ARSF: variants seen among roughly 807,000 people sequenced by gnomAD.
The protein encoded by ARSF is arylsulfatase F.
In ARSF, 33 loss-of-function variants were observed where a neutral mutation model predicts 35.4. The observed-to-expected ratio is 0.93, with a 90% CI of 0.71 to 1.25. The LOEUF (loss-of-function observed/expected upper bound fraction) is 1.25, where lower values mean the gene tolerates loss of function less well. Among genes scored for constraint, ARSF ranks in the 50% most tolerant of loss-of-function variants. ARSF has a pLI of 0.00. For missense variants in ARSF, 501 were observed against 480.2 expected, an observed-to-expected ratio of 1.04 and a Z score of -0.40; for synonymous variants, 222 against 193.1, an observed-to-expected ratio of 1.15 and a Z score of -1.24.
In ARSF at chrX:3,049,397, A is replaced by T. The variant is rs139290461; in HGVS notation, c.-29+7734A>T. Among the ~76,000 whole-genome samples the T allele has an allele frequency of 5.6e-3, 626 of 111,574 alleles. 4 individuals carry two copies. Among genetic ancestry groups the T allele is most frequent in the African/African-American group, 0.019 (586 of 30,664 alleles). The stretch of plus-strand genomic sequence containing the variant: ...CTGATGCCTGTTCAGTGAATCTGCA[A>T]GTTTGCGTAAACAATAGGGCAGGGG... On this transcript the variant is annotated intron_variant, in intron 1 of 10. Transcript: ENST00000381127.
intron 1 of ARSF, among the ~76,000 whole-genome samples, chrX:3,065,537 C>T (rs897308615): frequency 9.3e-6 from 1 of 107,004 alleles, no homozygotes; most frequent in Non-Finnish European, 1.9e-5. Flanking sequence ...CTCAGGAGGC[C>T]GAGACAGGAA....
Position 3,112,376 on chromosome X carries a change from T to TA in ARSF, c.1598dup (p.Val534GlyfsTer42), listed in dbSNP as rs1223832357. 2 of 1,211,222 alleles carry TA rather than the reference T, an allele frequency of 1.7e-6. No homozygotes were observed. Among genetic ancestry groups the TA allele is most frequent in the Admixed American group, 4.4e-5 (2 of 45,959 alleles). On this transcript the variant is annotated frameshift_variant, in exon 11 of 11. Transcript: ENST00000381127. LOFTEE classifies it low-confidence loss of function (END_TRUNC). ...CAGAGCCCCTCCATGATTTTGTGAT[T>TA]AAAAAGGTGGCCAACGCCCTGAAGG...
chrX:3,056,498 A>G (rs983373071), intron 1 of ARSF, among the ~76,000 whole-genome samples: 1 of 108,834 alleles, frequency 9.2e-6, no homozygotes, highest in Non-Finnish European at 1.9e-5. Flanking sequence ...CTGGTCTCGA[A>G]CTCCTGGGCT....
At chrX:3,060,782 T>C (rs184552819) in intron 1 of ARSF, among the ~76,000 whole-genome samples, 26 of 111,001 alleles carry the variant, frequency 2.3e-4, no homozygotes, top group African/African-American at 8.2e-4. Context: ...TAAAAAGAAA[T>C]GAACAAAGCC....
intron 6 of ARSF, among the ~76,000 whole-genome samples, chrX:3,085,304 A>G (rs2090239525): frequency 1.9e-5 from 2 of 107,074 alleles, no homozygotes. Flanking sequence ...CTATATATGT[A>G]TATATATAAT....
intron 7 of ARSF, among the ~76,000 whole-genome samples, chrX:3,100,611 T>C (rs1033459069): frequency 4.5e-5 from 5 of 112,152 alleles, no homozygotes; most frequent in African/African-American, 1.6e-4. Flanking sequence ...TGTTTTTTGT[T>C]TTTTTGAGAT....
intron 7 of ARSF, among the ~76,000 whole-genome samples, chrX:3,091,365 C>G (rs1168512237): frequency 8.9e-6 from 1 of 112,457 alleles, no homozygotes; most frequent in Non-Finnish European, 1.9e-5. Context: ...ATGAACTCAT[C>G]CTGTAGAGAG....
intron 4 of ARSF, among the ~76,000 whole-genome samples, chrX:3,077,247 G>C (rs759972894): frequency 1.5e-4 from 17 of 112,025 alleles, no homozygotes; most frequent in Non-Finnish European, 3.0e-4. Context: ...AGTTTCCCAG[G>C]TCAACAAAGA....
intron 2 of ARSF, among the ~76,000 whole-genome samples, chrX:3,068,595 T>G (rs1356264984): frequency 3.6e-5 from 4 of 110,435 alleles, no homozygotes; most frequent in African/African-American, 1.3e-4. Flanking sequence ...AATTTTTTAT[T>G]TTTATTTTTT....
At chrX:3,110,908 A>T (rs902416068) in intron 10 of ARSF, among the ~76,000 whole-genome samples, 47 of 112,126 alleles carry the variant, frequency 4.2e-4, no homozygotes, top group Non-Finnish European at 1.1e-4. Flanking sequence ...AAACAAAAAC[A>T]AAACCAAAAA....
At chrX:3,046,916 C>G (rs1486346768) in intron 1 of ARSF, among the ~76,000 whole-genome samples, 4 of 110,562 alleles carry the variant, frequency 3.6e-5, no homozygotes, top group Non-Finnish European at 7.6e-5. Flanking sequence ...GAAAAATTGT[C>G]TTGGGCCATG....
At chrX:3,092,797 T>A (rs747178552) in intron 7 of ARSF, among the ~76,000 whole-genome samples, 1 of 112,064 alleles carries the variant, frequency 8.9e-6, no homozygotes, top group Non-Finnish European at 1.9e-5. Context: ...ATACCCCAAG[T>A]CCTAAGAATT....
Position 3,084,497 on chromosome X carries a change from T to C in ARSF, c.661T>C (p.Ser221Pro). 1 of 1,211,460 alleles carries C rather than the reference T, an allele frequency of 8.3e-7. No individual in the cohort carries two copies. Among genetic ancestry groups the C allele is most frequent in the Non-Finnish European group, 1.1e-6 (1 of 895,510 alleles). Reference protein sequence around the residue: ...WVSVPWLLIFSMILFIFLLGY... With the variant: ...WVSVPWLLIFPMILFIFLLGY... ...CTCTGTTCCCTGGCTCCTGATCTTC[T>C]CCATGATTCTGTTTATTTTCCTCTT... The change falls in exon 6 of 11, where the codon TCC (serine) becomes CCC (proline). Residue 221 changes from serine to proline, a missense_variant. Transcript: ENST00000381127.
At chrX:3,067,946 G>C (rs2090077145) in intron 1 of ARSF, 127 bp from the exon 2 acceptor site, 1 of 451,183 alleles carries the variant, frequency 2.2e-6, no homozygotes, top group African/African-American at 2.5e-5. Flanking sequence ...AAAAATGTCG[G>C]AATTAGGGAT....
chrX:3,107,460 G>T (rs189575597), intron 9 of ARSF, among the ~76,000 whole-genome samples: 1 of 111,553 alleles, frequency 9.0e-6, no homozygotes, highest in African/African-American at 3.2e-5. Flanking sequence ...AAGACAAGCC[G>T]TGGAGTAGAA....
chrX:3,109,217 G>A (rs958368500), intron 9 of ARSF, among the ~76,000 whole-genome samples: 10 of 110,557 alleles, frequency 9.0e-5, no homozygotes, highest in African/African-American at 3.3e-4. Context: ...TACTTGGAAG[G>A]CTGAGACAGG....
At chrX:3,092,507 T>C (rs2090302156) in intron 7 of ARSF, among the ~76,000 whole-genome samples, 1 of 112,064 alleles carries the variant, frequency 8.9e-6, no homozygotes, top group Admixed American at 9.5e-5. Context: ...GGTATGACTT[T>C]AATTTCGATG....
rs762594807 is a variant in ARSF, at chrX:3,092,595, C to A, written c.967+2963C>A. On this transcript the variant is annotated intron_variant, in intron 7 of 10. Coordinates refer to ENST00000381127, the MANE Select transcript of ARSF (RefSeq NM_001201539.2). ...AATCTGGTTGGACAAGCTGTGATATCTGAAAATTATATTTTGAAAAAGCGC... is the reference window on the plus strand; with the variant it reads ...AATCTGGTTGGACAAGCTGTGATATATGAAAATTATATTTTGAAAAAGCGC... Among the ~76,000 whole-genome samples the A allele has an allele frequency of 5.4e-5, 6 of 111,793 alleles. No homozygotes were observed. The South Asian group carries it at 2.2e-3, about 42-fold the overall frequency.
chrX:3,057,388 G>T (rs184808428), intron 1 of ARSF, among the ~76,000 whole-genome samples: 2 of 111,430 alleles, frequency 1.8e-5, no homozygotes, highest in African/African-American at 6.5e-5. Context: ...AAGAGTAGGT[G>T]GTTCTGATTC....
Sources: gnomAD v4.1 joint callset for allele counts (sites outside exome capture counted in the v4.1 genomes callset) on GRCh38, gnomAD v4.1.1 for gene constraint, MANE v1.5 for transcripts, NCBI Gene and HGNC (gene_info 2026-07-23, HGNC 2026-07-21) for gene names.